Variants in NPIPB2 observed in about 807,000 individuals in gnomAD.
The protein encoded by NPIPB2 is nuclear pore complex-interacting protein family member B2.
A neutral mutation model predicts 30.8 loss-of-function variants in NPIPB2; 27 were observed. That is an observed-to-expected ratio of 0.88 (90% CI 0.65 to 1.21). NPIPB2 has a LOEUF of 1.21. Ranked by LOEUF, NPIPB2 falls within the 50% of genes most tolerant of loss-of-function variation. The pLI is 0.00. For missense variants in NPIPB2, 440 were observed against 446.2 expected (o/e 0.99, Z 0.13); for synonymous variants, 147 against 162.0 (o/e 0.91, Z 0.70).
intron 1 of NPIPB2, among the ~76,000 whole-genome samples, chr16:11,966,640 T>C (rs1323846142): frequency 2.0e-5 from 3 of 152,156 alleles, no homozygotes; most frequent in Non-Finnish European, 4.4e-5. Context: ...AGTTAGCACA[T>C]CGATTAAATG....
intron 4 of NPIPB2, among the ~76,000 whole-genome samples, chr16:11,931,847 T>C (rs1272968172): frequency 1.3e-5 from 2 of 152,068 alleles, no homozygotes; most frequent in African/African-American, 2.4e-5. Context: ...GAGGTGAAGA[T>C]GGAGAAGAAG....
intron 1 of NPIPB2, among the ~76,000 whole-genome samples, chr16:11,975,738 A>G (rs955359619): frequency 6.6e-6 from 1 of 151,772 alleles, no homozygotes; most frequent in Non-Finnish European, 1.5e-5. Flanking sequence ...CTACAGGCGC[A>G]CGCCACCATG....
intron 5 of NPIPB2, 137 bp downstream of exon 5, chr16:11,930,309 ACTCT>A (rs557400869): frequency 3.1e-5 from 24 of 770,686 alleles, no homozygotes; most frequent in Middle Eastern, 3.8e-4. Context: ...TGTTTTGTGA[ACTCT>A]CTCTCTCTCT....
At chr16:11,962,611 C>CAAAAAA (rs765156261) in intron 1 of NPIPB2, among the ~76,000 whole-genome samples, 1 of 34,612 alleles carries the variant, frequency 2.9e-5, no homozygotes, top group Non-Finnish European at 6.7e-5. Context: ...GATTCTGTCT[C>CAAAAAA]AAAAAAAAAA....
At position 11,941,909 on chromosome 16, in the gene NPIPB2, G is replaced by A; in HGVS notation, c.63+74C>T. 4 of 981,674 alleles carry A rather than the reference G, an allele frequency of 4.1e-6. No homozygotes were observed. The Admixed American group carries it at 6.0e-5, about 15-fold the overall frequency. 60.8% of individuals were successfully genotyped at this position (981,674 alleles called of 1,614,324 possible). ...CGCTCCTTCCTTCCTGAGCTCCCAG[G>A]GTTCCTCAAGGTCACTTTTGGCGAC... On this transcript the variant is annotated intron_variant, in intron 1 of 7. Coordinates refer to ENST00000399147, the Ensembl canonical transcript of NPIPB2.
chr16:11,966,173 G>T, intron 1 of NPIPB2: 2 of 1,596,634 alleles, frequency 1.3e-6, no homozygotes, highest in Non-Finnish European at 1.7e-6. Context: ...CTCATTATCT[G>T]TCTGATGTTC....
chr16:11,957,688 A>T (rs2150933280), intron 1 of NPIPB2, among the ~76,000 whole-genome samples: 1 of 152,256 alleles, frequency 6.6e-6, no homozygotes, highest in Admixed American at 6.5e-5. Flanking sequence ...AAAGACCAAG[A>T]TTTCCTGAAA....
intron 2 of NPIPB2, among the ~76,000 whole-genome samples, chr16:11,937,043 G>A (rs2054876861): frequency 6.6e-6 from 1 of 151,846 alleles, no homozygotes; most frequent in Non-Finnish European, 1.5e-5. Context: ...AGAAGAGGGT[G>A]CTCTTTAAGC....
intron 1 of NPIPB2, chr16:11,941,240 G>A (rs1405529491): frequency 5.3e-6 from 8 of 1,521,120 alleles, no homozygotes; most frequent in South Asian, 1.2e-5. Context: ...CACAGCACCC[G>A]CATGTCCTGG....
At chr16:11,975,644 G>A (rs1161806620) in intron 1 of NPIPB2, among the ~76,000 whole-genome samples, 1 of 151,902 alleles carries the variant, frequency 6.6e-6, no homozygotes, top group African/African-American at 2.4e-5. Flanking sequence ...AGGCTGGAGT[G>A]CAGTGGTGGG....
chr16:11,970,944 C>G (rs1372427975), intron 1 of NPIPB2, among the ~76,000 whole-genome samples: 1 of 151,580 alleles, frequency 6.6e-6, no homozygotes, highest in Non-Finnish European at 1.5e-5. Flanking sequence ...GCCTCGACCT[C>G]TGGGGCTCAG....
rs144262058 is a variant in NPIPB2 at position 11,971,180 on chromosome 16, A to G, written c.-584+5388T>C. Among the ~76,000 whole-genome samples, 9 of 152,250 alleles carry G rather than the reference A, an allele frequency of 5.9e-5. 1 individual carries two copies. In the East Asian group the frequency reaches 1.7e-3, roughly 29 times the overall value. ...CCTAAAATCAGCATTTTCATCTGCT[A>G]CATTGTTGTGTGCTAGGTCAGTCAT... On this transcript the variant is annotated intron_variant, in intron 1 of 5. Transcript: ENST00000538896.
chr16:11,940,951 G>T (rs1177946623), intron 1 of NPIPB2, among the ~76,000 whole-genome samples: 1 of 148,338 alleles, frequency 6.7e-6, no homozygotes, highest in Non-Finnish European at 1.5e-5. Flanking sequence ...GGGATAACAG[G>T]TACGCACCAC....
intron 1 of NPIPB2, among the ~76,000 whole-genome samples, chr16:11,952,721 T>C (rs930852509): frequency 7.3e-5 from 11 of 151,678 alleles, no homozygotes; most frequent in South Asian, 2.1e-4. Flanking sequence ...CGTGCCACCA[T>C]GCCTGGCTAA....
At chr16:11,930,545 T>C (rs2054777896) in exon 5 of NPIPB2, 1 of 1,582,182 alleles carries the variant, frequency 6.3e-7, no homozygotes, top group African/African-American at 1.4e-5. Context: ...CTTTCACGCT[T>C]AGTTTCCTCA....
chr16:11,953,951 C>T (rs1323036451), intron 1 of NPIPB2, among the ~76,000 whole-genome samples: 1 of 151,798 alleles, frequency 6.6e-6, no homozygotes, highest in African/African-American at 2.4e-5. Flanking sequence ...CCTGGGATTA[C>T]AGGCATGAGC....
intron 5 of NPIPB2, among the ~76,000 whole-genome samples, 179 bp downstream of exon 5, chr16:11,930,264 TTGGTCAC>T (rs2054773835): frequency 7.8e-6 from 1 of 128,648 alleles, no homozygotes; most frequent in Non-Finnish European, 1.6e-5. Flanking sequence ...TTCACATCTT[TTGGTCAC>T]TGGTAAATAT....
chr16:11,965,380 A>G (rs2055185274), intron 1 of NPIPB2: 3 of 1,614,108 alleles, frequency 1.9e-6, no homozygotes, highest in African/African-American at 2.7e-5. Flanking sequence ...AGTTTGTTGC[A>G]TGCTTGCATA....
chr16:11,944,590 C>G (rs912843506), upstream of NPIPB2, among the ~76,000 whole-genome samples: 21 of 150,882 alleles, frequency 1.4e-4, no homozygotes, highest in African/African-American at 5.1e-4. Flanking sequence ...TGGCAAAACC[C>G]TGTCTCTACT....
Sources: allele counts gnomAD v4.1 joint callset (sites outside exome capture counted in the v4.1 genomes callset), GRCh38; gene constraint gnomAD v4.1.1; transcripts MANE v1.5; gene names NCBI Gene and HGNC (gene_info 2026-07-23, HGNC 2026-07-21).